Variants in RNF111 observed in about 807,000 individuals in gnomAD.
RNF111 encodes ring finger protein 111, also known as E3 ubiquitin-protein ligase Arkadia.
In RNF111, 17 loss-of-function variants were observed where a neutral mutation model predicts 95.1. The ratio of observed to expected loss-of-function variants is 0.18; its 90% CI spans 0.12 to 0.27. The LOEUF (loss-of-function observed/expected upper bound fraction) is 0.27, where lower values mean the gene tolerates loss of function less well. RNF111 is among the 10% of genes least tolerant of loss of function. The probability of loss-of-function intolerance (pLI) is 1.00; values close to 1 mark genes in which losing one functional copy is unlikely to be tolerated. For missense variants in RNF111, 1,189 were observed against 1,210.4 expected, an observed-to-expected ratio of 0.98 and a Z score of 0.26; for synonymous variants, 440 against 414.8, an observed-to-expected ratio of 1.06 and a Z score of -0.74.
At chr15:59,043,435 G>C (rs1161073170) in intron 2 of RNF111, among the ~76,000 whole-genome samples, 2 of 152,292 alleles carry the variant, frequency 1.3e-5, no homozygotes, top group Middle Eastern at 6.8e-3. Flanking sequence ...GGGCTTGCAG[G>C]TGTGAGCCAC....
intron 6 of RNF111, among the ~76,000 whole-genome samples, chr15:59,071,181 C>G (rs1224049587): frequency 6.6e-6 from 1 of 151,624 alleles, no homozygotes; most frequent in Non-Finnish European, 1.5e-5. Flanking sequence ...GCCTGTAGTC[C>G]CAGCTACTCG....
At chr15:59,053,700 T>C (rs2042086977) in intron 3 of RNF111, among the ~76,000 whole-genome samples, 1 of 152,192 alleles carries the variant, frequency 6.6e-6, no homozygotes, top group African/African-American at 2.4e-5. Flanking sequence ...CAACATTGAC[T>C]CAATTTTTAT....
chr15:59,059,105 C>T (rs1321309228), intron 5 of RNF111, among the ~76,000 whole-genome samples: 1 of 151,932 alleles, frequency 6.6e-6, no homozygotes, highest in African/African-American at 2.4e-5. Context: ...TGGTGAAACC[C>T]TATCTCTATT....
At chr15:59,059,218 C>T (rs987911549) in intron 5 of RNF111, among the ~76,000 whole-genome samples, 6 of 152,106 alleles carry the variant, frequency 3.9e-5, no homozygotes, top group African/African-American at 1.4e-4. Context: ...ATAGATATTT[C>T]TGAAGAAGTT....
At chr15:58,991,703 A>T (rs73414887) in intron 1 of RNF111, among the ~76,000 whole-genome samples, 23,586 of 152,220 alleles carry the variant, frequency 0.15, 1,889 homozygotes, top group East Asian at 0.25. Context: ...GTGAGGTTTG[A>T]TTCTAGAGAA....
chr15:59,053,805 C>T (rs2042091728), intron 3 of RNF111, among the ~76,000 whole-genome samples: 1 of 152,056 alleles, frequency 6.6e-6, no homozygotes, highest in Non-Finnish European at 1.5e-5. Context: ...GATGCATTTA[C>T]CTGAGTTAAT....
At chr15:59,016,033 T>C (rs2040049212) in intron 1 of RNF111, among the ~76,000 whole-genome samples, 1 of 151,792 alleles carries the variant, frequency 6.6e-6, no homozygotes, top group Non-Finnish European at 1.5e-5. Context: ...GTATTTTTAG[T>C]AGAGACAGGG....
chr15:59,065,056 G>T (rs1243375548), intron 5 of RNF111, among the ~76,000 whole-genome samples: 1 of 151,882 alleles, frequency 6.6e-6, no homozygotes, highest in South Asian at 2.1e-4. Context: ...GATTAGCTAG[G>T]TACTTTGAGC....
chr15:59,000,163 CT>C (rs71425835), intron 1 of RNF111, among the ~76,000 whole-genome samples: 4,265 of 131,940 alleles, frequency 0.032, 64 homozygotes, highest in African/African-American at 0.073. Context: ...TTTTTTTTCC[CT>C]TTTTTTTTTT....
intron 6 of RNF111, among the ~76,000 whole-genome samples, chr15:59,068,322 A>G (rs2042756047): frequency 6.6e-6 from 1 of 152,244 alleles, no homozygotes; most frequent in Non-Finnish European, 1.5e-5. Context: ...AAAAAAGTCA[A>G]AGAGGCTGGC....
At position 59,042,010 on chromosome 15, in the gene RNF111, ATTC is replaced by A. The variant is rs1228115204; in HGVS notation, c.881-10290_881-10288del. ...TTTTGATATCAGGATACTGGTCTTC[ATTC>A]TTCTATCCATTTTTAGAAGCTTTTT... is the stretch of plus-strand genomic sequence containing the variant. On this transcript the variant is annotated intron_variant, in intron 2 of 13. Transcript: ENST00000348370. Among the ~76,000 whole-genome samples, 3 of 124,706 alleles carry A rather than the reference ATTC, an allele frequency of 2.4e-5. 1 individual carries two copies. The highest frequency in any genetic ancestry group is 2.2e-4 in the East Asian group (1 of 4,572). The allele number at this position is 124,706 out of a possible 152,430, so 81.8% of individuals were successfully genotyped here.
At chr15:59,058,613 T>C in intron 5 of RNF111, 63 bp downstream of exon 5, 2 of 1,412,312 alleles carry the variant, frequency 1.4e-6, no homozygotes, top group Non-Finnish European at 2.0e-6. Context: ...AAAGTATTAT[T>C]GTTTTTAAGT....
At chr15:59,070,239 C>G (rs2042858972) in intron 6 of RNF111, among the ~76,000 whole-genome samples, 1 of 151,934 alleles carries the variant, frequency 6.6e-6, no homozygotes, top group Non-Finnish European at 1.5e-5. Context: ...CATCACTATA[C>G]TCATCTTGCT....
intron 1 of RNF111, among the ~76,000 whole-genome samples, chr15:59,010,412 CT>C (rs1436784613): frequency 6.6e-6 from 1 of 151,410 alleles, no homozygotes; most frequent in Admixed American, 6.6e-5. Context: ...TTTTTTCTTT[CT>C]TTTTTTGAGA....
intron 1 of RNF111, among the ~76,000 whole-genome samples, chr15:58,998,982 A>G (rs535811927): frequency 1.5e-4 from 23 of 152,338 alleles, no homozygotes; most frequent in African/African-American, 1.4e-4. Context: ...CACTGATAGT[A>G]TGAGGTTTCA....
At chr15:59,076,680 T>C (rs2078573837) in intron 7 of RNF111, among the ~76,000 whole-genome samples, 1 of 152,350 alleles carries the variant, frequency 6.6e-6, no homozygotes, top group East Asian at 1.9e-4. Flanking sequence ...GGCAACATAG[T>C]GAGACCCCGT....
intron 5 of RNF111, among the ~76,000 whole-genome samples, chr15:59,065,130 C>T (rs1450930136): frequency 6.6e-6 from 1 of 151,896 alleles, no homozygotes; most frequent in African/African-American, 2.4e-5. Flanking sequence ...CAGTAATGTT[C>T]CAGAATTCTA....
chr15:59,064,143 T>C (rs2042554709), intron 5 of RNF111, among the ~76,000 whole-genome samples: 1 of 152,216 alleles, frequency 6.6e-6, no homozygotes, highest in African/African-American at 2.4e-5. Context: ...ATGCTAGTTT[T>C]AACACTTGAC....
At chr15:59,004,166 A>G in intron 1 of RNF111, 1 of 1,204,436 alleles carries the variant, frequency 8.3e-7, no homozygotes, top group Non-Finnish European at 1.1e-6. Flanking sequence ...CTGGATTAGC[A>G]GTTTTAAGGT....
Sources: gnomAD v4.1 joint callset for allele counts (sites outside exome capture counted in the v4.1 genomes callset) on GRCh38, gnomAD v4.1.1 for gene constraint, MANE v1.5 for transcripts, NCBI Gene and HGNC (gene_info 2026-07-23, HGNC 2026-07-21) for gene names.